Variants in GSN observed in about 807,000 individuals in gnomAD.
The protein encoded by GSN is actin-depolymerizing factor.
A neutral mutation model predicts 85.7 loss-of-function variants in GSN; 56 were observed. That is an observed-to-expected ratio of 0.65 (90% CI 0.53 to 0.82). GSN has a LOEUF of 0.82. Ranked by LOEUF, GSN falls within the 40% of genes least tolerant of loss-of-function variation. The pLI is 0.00. For missense variants in GSN, 857 were observed against 979.8 expected, an observed-to-expected ratio of 0.87 and a Z score of 1.67; for synonymous variants, 373 against 399.1, an observed-to-expected ratio of 0.93 and a Z score of 0.78.
intron 5 of GSN, 194 bp from the exon 6 acceptor site, chr9:121,312,144 TC>T: frequency 1.7e-6 from 1 of 582,936 alleles, no homozygotes; most frequent in Non-Finnish European, 3.0e-6. Context: ...AGACATGCGC[TC>T]CCATCTCCTG....
chr9:121,276,258 C>T (rs2056656369), intron 1 of GSN, among the ~76,000 whole-genome samples: 1 of 152,240 alleles, frequency 6.6e-6, no homozygotes, highest in Admixed American at 6.5e-5. Flanking sequence ...TTAATACAGG[C>T]TACCCTTGCA....
At chr9:121,288,601 G>T (rs1369103668) in intron 2 of GSN, among the ~76,000 whole-genome samples, 1 of 152,216 alleles carries the variant, frequency 6.6e-6, no homozygotes, top group African/African-American at 2.4e-5. Flanking sequence ...AACGGGCACT[G>T]AGACGGGAAG....
intron 4 of GSN, among the ~76,000 whole-genome samples, chr9:121,304,611 A>C (rs1446304830): frequency 6.6e-6 from 1 of 152,204 alleles, no homozygotes; most frequent in Non-Finnish European, 1.5e-5. Flanking sequence ...TTCATTCAGC[A>C]AATATTTACT....
intron 6 of GSN, among the ~76,000 whole-genome samples, chr9:121,248,964 C>T (rs1295532760): frequency 1.3e-5 from 2 of 152,104 alleles, no homozygotes; most frequent in Non-Finnish European, 2.9e-5. Context: ...CATTTAGAGG[C>T]CATCGTGTAG....
At chr9:121,238,768 TAA>T (rs2132185173) in intron 5 of GSN, 1 of 495,336 alleles carries the variant, frequency 2.0e-6, no homozygotes, top group Non-Finnish European at 4.1e-6. Context: ...CCCTGAAAAA[TAA>T]AGTTCCTCTC....
chr9:121,264,221 A>T (rs1476831156), upstream of GSN, among the ~76,000 whole-genome samples: 3 of 152,170 alleles, frequency 2.0e-5, no homozygotes, highest in Non-Finnish European at 4.4e-5. Flanking sequence ...TCAAAGGCTG[A>T]GGTGGGAGGA....
At chr9:121,230,460 T>G (rs1420144533) in intron 4 of GSN, among the ~76,000 whole-genome samples, 1 of 152,236 alleles carries the variant, frequency 6.6e-6, no homozygotes, top group African/African-American at 2.4e-5. Context: ...CTGGATGGTA[T>G]CTTTGAACTT....
intron 2 of GSN, among the ~76,000 whole-genome samples, chr9:121,292,824 G>A (rs2058822971): frequency 6.6e-6 from 1 of 151,930 alleles, no homozygotes. Flanking sequence ...CCTCTTCCCC[G>A]CACCTGCCCC....
intron 13 of GSN, 32 bp from the exon 14 acceptor site, chr9:121,327,276 G>A (rs569163536): frequency 9.4e-6 from 15 of 1,593,360 alleles, no homozygotes; most frequent in Middle Eastern, 1.7e-4. Flanking sequence ...CTTTTTGTCT[G>A]GTTCCTGATT....
chr9:121,228,425 T>TATATATATATATATA (rs1491358330), intron 4 of GSN, among the ~76,000 whole-genome samples: 36 of 19,372 alleles, frequency 1.9e-3, no homozygotes, highest in South Asian at 5.8e-3. Flanking sequence ...TATATATATA[T>TATATATATATATATA]TTTTTTTTTT....
intron 4 of GSN, among the ~76,000 whole-genome samples, chr9:121,221,979 C>T (rs1588423008): frequency 2.0e-5 from 3 of 152,332 alleles, no homozygotes; most frequent in Admixed American, 2.0e-4. Context: ...CCAAGCCCTA[C>T]AGAGTGAGGA....
chr9:121,236,165 TTC>T (rs945684497), intron 5 of GSN, among the ~76,000 whole-genome samples: 2 of 152,044 alleles, frequency 1.3e-5, no homozygotes, highest in African/African-American at 2.4e-5. Context: ...CTCACTCTAA[TTC>T]TCTCTTTTTT....
At chr9:121,328,832 T>A in intron 14 of GSN, 59 bp from the exon 15 acceptor site, 1 of 1,579,422 alleles carries the variant, frequency 6.3e-7, no homozygotes, top group South Asian at 1.1e-5. Context: ...CAGGGTCCGA[T>A]GAGATGGGAG....
intron 7 of GSN, 22 bp from the exon 8 acceptor site, chr9:121,317,064 T>C (rs1216531880): frequency 2.5e-6 from 4 of 1,613,970 alleles, no homozygotes; most frequent in Non-Finnish European, 3.4e-6. Flanking sequence ...ATGTGCTGGT[T>C]CCTTCTGCTT....
In GSN at chr9:121,216,633, T is replaced by C. The variant is rs554708822; in HGVS notation, c.-528+5766T>C. Reference sequence around the variant, plus strand: ...TTGTAATATCCTCCTACCCCCAGGTTCCGTAGTACCTTGCTTCTGTATTTT... The same window carrying C: ...TTGTAATATCCTCCTACCCCCAGGTCCCGTAGTACCTTGCTTCTGTATTTT... On this transcript the variant is annotated intron_variant, in intron 4 of 24. Coordinates refer to the GSN transcript ENST00000373823. Among the ~76,000 whole-genome samples the C allele has an allele frequency of 8.0e-4, 122 of 152,332 alleles. 1 individual carries two copies. The South Asian group carries it at 0.012, about 16-fold the overall frequency.
chr9:121,254,719 G>A (rs1019810082), intron 6 of GSN, among the ~76,000 whole-genome samples: 2 of 152,020 alleles, frequency 1.3e-5, no homozygotes, highest in African/African-American at 2.4e-5. Context: ...TCTCCACCAC[G>A]TTTTATTTCT....
intron 4 of GSN, chr9:121,210,980 TAATG>T (rs2053958804): frequency 6.6e-6 from 1 of 152,160 alleles, no homozygotes; most frequent in African/African-American, 2.4e-5. Flanking sequence ...TTGTTGATAA[TAATG>T]GGATGTTATT....
chr9:121,291,001 A>T (rs1463931854), intron 2 of GSN, among the ~76,000 whole-genome samples: 1 of 151,950 alleles, frequency 6.6e-6, no homozygotes, highest in Non-Finnish European at 1.5e-5. Flanking sequence ...GCTACCTTGC[A>T]CCCTCCATAT....
intron 6 of GSN, among the ~76,000 whole-genome samples, chr9:121,254,649 C>A (rs1363041167): frequency 1.3e-5 from 2 of 152,164 alleles, no homozygotes; most frequent in African/African-American, 4.8e-5. Context: ...AATTTTCTCC[C>A]AAAGATGAAT....
Sources: gnomAD v4.1 joint callset for allele counts (sites outside exome capture counted in the v4.1 genomes callset) on GRCh38, gnomAD v4.1.1 for gene constraint, MANE v1.5 for transcripts, NCBI Gene and HGNC (gene_info 2026-07-23, HGNC 2026-07-21) for gene names.